The following FSIP1 variants were observed in gnomAD, a reference collection of about 807,000 sequenced individuals.
FSIP1 encodes the protein fibrous sheath-interacting protein 1.
A neutral mutation model predicts 60.9 loss-of-function variants in FSIP1; 65 were observed. The observed-to-expected ratio is 1.07, with a 90% confidence interval of 0.87 to 1.31. The LOEUF (loss-of-function observed/expected upper bound fraction) is 1.31. Ranked by LOEUF, FSIP1 falls within the 40% of genes most tolerant of loss-of-function variation. The pLI is 0.00. For missense variants in FSIP1, 675 were observed against 665.5 expected, an observed-to-expected ratio of 1.01 and a Z score of -0.16; for synonymous variants, 209 against 221.2, an observed-to-expected ratio of 0.94 and a Z score of 0.49.
chr15:39,674,338 G>A (rs1042894936), intron 10 of FSIP1, among the ~76,000 whole-genome samples: 24 of 152,296 alleles, frequency 1.6e-4, no homozygotes, highest in Non-Finnish European at 5.9e-5. Context: ...ACAGGCGTGA[G>A]CCACTGCATC....
At chr15:39,616,862 T>C (rs1428921775) in intron 11 of FSIP1, among the ~76,000 whole-genome samples, 4 of 151,910 alleles carry the variant, frequency 2.6e-5, no homozygotes, top group African/African-American at 9.7e-5. Context: ...ATTGGTCCAG[T>C]TGAAGTTGTA....
At chr15:39,732,294 A>T (rs976387972) in intron 8 of FSIP1, among the ~76,000 whole-genome samples, 4 of 152,172 alleles carry the variant, frequency 2.6e-5, no homozygotes, top group African/African-American at 9.7e-5. Context: ...TCCCCGTCCT[A>T]GAGAGATTCA....
intron 10 of FSIP1, among the ~76,000 whole-genome samples, chr15:39,650,157 G>C (rs970447565): frequency 2.0e-5 from 3 of 152,220 alleles, no homozygotes; most frequent in Non-Finnish European, 4.4e-5. Context: ...CAGTTGGACA[G>C]GTTTCTCTAC....
At chr15:39,766,847 T>G (rs936239761) in intron 3 of FSIP1, among the ~76,000 whole-genome samples, 1 of 152,168 alleles carries the variant, frequency 6.6e-6, no homozygotes, top group Non-Finnish European at 1.5e-5. Context: ...TTCTTCTTCT[T>G]CTTTTTTTAA....
At chr15:39,754,669 C>G (rs1897253411) in intron 5 of FSIP1, among the ~76,000 whole-genome samples, 1 of 151,830 alleles carries the variant, frequency 6.6e-6, no homozygotes, top group African/African-American at 2.4e-5. Context: ...GTTTAGGAGA[C>G]TAGGTGGGTG....
chr15:39,614,043 C>T (rs1891128614), intron 11 of FSIP1, among the ~76,000 whole-genome samples: 1 of 152,068 alleles, frequency 6.6e-6, no homozygotes. Flanking sequence ...CCACTCTCAC[C>T]ACTTTTTTTC....
At chr15:39,676,027 G>A (rs1893923901) in intron 10 of FSIP1, among the ~76,000 whole-genome samples, 1 of 148,334 alleles carries the variant, frequency 6.7e-6, no homozygotes, top group African/African-American at 2.5e-5. Context: ...AAAAAAAATA[G>A]CCGTGCGTGG....
At chr15:39,754,422 A>T (rs1261651440) in intron 5 of FSIP1, among the ~76,000 whole-genome samples, 1 of 152,140 alleles carries the variant, frequency 6.6e-6, no homozygotes, top group Non-Finnish European at 1.5e-5. Context: ...TTTGTTACAC[A>T]GCACTAGATA....
chr15:39,719,447 T>G (rs1223600159), intron 9 of FSIP1, among the ~76,000 whole-genome samples: 1 of 152,220 alleles, frequency 6.6e-6, no homozygotes, highest in Non-Finnish European at 1.5e-5. Flanking sequence ...TGCCAAGAGA[T>G]TCTGAGTTTA....
chr15:39,776,491 A>G lies in FSIP1; in HGVS notation c.34T>C (p.Ser12Pro). ...DIIKGNLDGI[S>P]KPASNSRIRP... ...ATTCTTGAATTTGAAGCTGGTTTTG[A>G]AATTCCATCTAGGTTTCCCTTTATA... The change falls in exon 2 of 12, where the codon TCA becomes CCA. Residue 12 changes from serine to proline, a missense_variant. Coordinates refer to ENST00000350221, the MANE Select transcript of FSIP1 (RefSeq NM_152597.5). 6.2e-7 allele frequency: 1 copy of G among 1,613,136 alleles called. No individual in the cohort carries two copies. The highest frequency in any genetic ancestry group is 1.1e-5 in the South Asian group (1 of 91,018).
chr15:39,682,281 A>G (rs550040258), intron 10 of FSIP1, among the ~76,000 whole-genome samples: 14 of 152,308 alleles, frequency 9.2e-5, no homozygotes, highest in African/African-American at 3.4e-4. Flanking sequence ...TGCTTATAAA[A>G]CACATTTTGT....
At chr15:39,751,980 A>G (rs572431051) in intron 5 of FSIP1, among the ~76,000 whole-genome samples, 38 of 152,122 alleles carry the variant, frequency 2.5e-4, no homozygotes, top group African/African-American at 8.7e-4. Flanking sequence ...ATTTTTAAGA[A>G]TATCAAAACC....
At chr15:39,638,937 A>G (rs1297195344) in intron 10 of FSIP1, among the ~76,000 whole-genome samples, 2 of 152,180 alleles carry the variant, frequency 1.3e-5, no homozygotes, top group African/African-American at 4.8e-5. Context: ...CTTATTGCTA[A>G]GTATAAAAGC....
chr15:39,709,191 C>T (rs1006390827), intron 10 of FSIP1, among the ~76,000 whole-genome samples: 2 of 152,190 alleles, frequency 1.3e-5, no homozygotes, highest in African/African-American at 2.4e-5. Context: ...CTTTCTTCTC[C>T]CATCGCTAAA....
chr15:39,744,777 T>TCACACACACACACACACACACACACACA (rs55691651), intron 5 of FSIP1, among the ~76,000 whole-genome samples: 5 of 137,966 alleles, frequency 3.6e-5, no homozygotes, highest in South Asian at 4.8e-4. Context: ...TCCCCCTCAG[T>TCACACACACACACACACACACACACACA]CACACACACA....
chr15:39,763,529 A>T (rs922584698), intron 5 of FSIP1, among the ~76,000 whole-genome samples: 1 of 152,166 alleles, frequency 6.6e-6, no homozygotes, highest in African/African-American at 2.4e-5. Context: ...GTCTAAAGAC[A>T]CCTAAAAGAG....
intron 10 of FSIP1, among the ~76,000 whole-genome samples, chr15:39,684,127 C>G (rs1894271859): frequency 6.6e-6 from 1 of 151,898 alleles, no homozygotes. Context: ...CTGGAATAAC[C>G]AAAACAATTT....
chr15:39,610,608 G>A (rs1472009236), intron 11 of FSIP1, among the ~76,000 whole-genome samples: 1 of 152,234 alleles, frequency 6.6e-6, no homozygotes, highest in Non-Finnish European at 1.5e-5. Context: ...AGAGGCTGCA[G>A]TGAGCCAGGA....
At chr15:39,773,909 T>C (rs915394745) in intron 2 of FSIP1, among the ~76,000 whole-genome samples, 3 of 152,216 alleles carry the variant, frequency 2.0e-5, no homozygotes, top group Non-Finnish European at 4.4e-5. Flanking sequence ...TTTTCAGGGA[T>C]GATGGAACAA....
Sources: allele counts gnomAD v4.1 joint callset (sites outside exome capture counted in the v4.1 genomes callset), GRCh38; gene constraint gnomAD v4.1.1; transcripts MANE v1.5; gene names NCBI Gene and HGNC (gene_info 2026-07-23, HGNC 2026-07-21).